The following RBPJL variants were observed in gnomAD, a reference collection of about 807,000 sequenced individuals.
The protein encoded by RBPJL is recombination signal binding protein for immunoglobulin kappa J region like, also known as recombining binding protein suppressor of hairless-like protein.
In RBPJL, 50 loss-of-function variants were observed where a neutral mutation model predicts 57.6. The ratio of observed to expected loss-of-function variants is 0.87; its 90% CI spans 0.69 to 1.10. The LOEUF is 1.10. Ranked by LOEUF, RBPJL falls within the 50% of genes least tolerant of loss-of-function variation. The probability of loss-of-function intolerance (pLI) is 0.00; values close to 1 mark genes in which losing one functional copy is unlikely to be tolerated. For missense variants in RBPJL, 684 were observed against 693.7 expected, an observed-to-expected ratio of 0.99 and a Z score of 0.16; for synonymous variants, 303 against 294.4, an observed-to-expected ratio of 1.03 and a Z score of -0.30.
rs761919642 is a variant in RBPJL at position 45,311,598 on chromosome 20, C to T, written c.267C>T (p.Cys89=). 2.5e-6 allele frequency: 4 copies of T among 1,613,956 alleles called. No individual in the cohort carries two copies. The African/African-American group carries it at 4.0e-5, about 16-fold the overall frequency. Residue 89 remains cysteine, a synonymous_variant, in exon 4 of 12, where the codon TGC becomes TGT. Coordinates refer to ENST00000343694, the MANE Select transcript of RBPJL (RefSeq NM_014276.4). ...TCACTTATCTCCGCAGGTTCTTCTG[C>T]CCCCCGCCCTGTGTCTACCTCTCGG... is the stretch of plus-strand genomic sequence containing the variant. ...KSYGNEKRFF[C]PPPCVYLSGP...
intron 8 of RBPJL, 106 bp downstream of exon 8, chr20:45,314,250 C>T: frequency 8.1e-7 from 1 of 1,232,744 alleles, no homozygotes; most frequent in Non-Finnish European, 1.2e-6. Context: ...ATGGAGACAC[C>T]TGTTCTCACC....
At chr20:45,307,060 G>C in intron 1 of RBPJL, 116 bp downstream of exon 1, 1 of 554,864 alleles carries the variant, frequency 1.8e-6, no homozygotes, top group Non-Finnish European at 2.6e-6. Flanking sequence ...GAGGCAGCCC[G>C]CCGAACTGCA....
chr20:45,312,312 G>C lies in RBPJL; in HGVS notation c.536G>C (p.Arg179Pro), dbSNP rs149866429. 3.6e-4 allele frequency: 580 copies of C among 1,614,114 alleles called. No individual in the cohort carries two copies. The highest frequency in any genetic ancestry group is 4.8e-4 in the Admixed American group (29 of 60,030). ...LVLRLVLRGG[R>P]ELGTFHSRLI... The stretch of plus-strand genomic sequence containing the variant: ...CTGCGGCTGGTGCTGCGCGGGGGCC[G>C]GGAGCTGGGTACCTTCCACAGCCGC... The change falls in exon 6 of 12, where the codon CGG becomes CCG. Residue 179 changes from arginine (R) to proline (P), a missense_variant. Physicochemically the swap from Arg to Pro is moderately radical, Grantham distance 103 (BLOSUM62 -2). Transcript: ENST00000343694.
At chr20:45,314,944 A>G (rs1420986094) in intron 9 of RBPJL, among the ~76,000 whole-genome samples, 1 of 152,114 alleles carries the variant, frequency 6.6e-6, no homozygotes, top group Non-Finnish European at 1.5e-5. Flanking sequence ...TTAGCTGGGC[A>G]TGGCAGTGGG....
intron 1 of RBPJL, 120 bp from the exon 2 acceptor site, chr20:45,308,023 C>T (rs1307377452): frequency 1.2e-5 from 8 of 647,608 alleles, no homozygotes; most frequent in East Asian, 2.7e-5. Context: ...GGTGGGGGCT[C>T]GATTTGGAAA....
rs780511888 is a variant in RBPJL at position 45,316,379 on chromosome 20, C to T, written c.1176+37C>T. The T allele has an allele frequency of 1.1e-5, 17 of 1,610,256 alleles. No homozygotes were observed. The African/African-American group carries it at 2.3e-4, about 22-fold the overall frequency. The stretch of plus-strand genomic sequence containing the variant: ...CGCTAGGGGCGTTGGGCAGGGGGAC[C>T]CTGCCTGCACTGGGCAGTGGTGGTG... On this transcript the variant is annotated intron_variant, in intron 10 of 11. Coordinates refer to ENST00000343694, the MANE Select transcript of RBPJL (RefSeq NM_014276.4).
chr20:45,314,068 C>G lies in RBPJL; in HGVS notation c.791C>G (p.Pro264Arg), dbSNP rs201474261. Residue 264 changes from proline (P) to arginine (R), a missense_variant, in exon 8 of 12, where the codon CCG (proline) becomes CGG (arginine). Coordinates refer to ENST00000343694, the MANE Select transcript of RBPJL (RefSeq NM_014276.4). Reference protein sequence around the residue: ...DGHSAQGDFPPREGYVRYGSL... With the variant: ...DGHSAQGDFPRREGYVRYGSL... ...CACTCTGCCCAAGGAGACTTCCCACCGCGAGAGGGCTACGTTCGCTATGGC... is the reference window on the plus strand; with the variant it reads ...CACTCTGCCCAAGGAGACTTCCCACGGCGAGAGGGCTACGTTCGCTATGGC... 1.2e-5 allele frequency: 20 copies of G among 1,614,080 alleles called. No homozygotes were observed. In the East Asian group the frequency reaches 4.2e-4, roughly 34 times the overall value.
At chr20:45,313,996 C>T (rs2145693976) in intron 7 of RBPJL, 39 bp from the exon 8 acceptor site, 2 of 1,431,508 alleles carry the variant, frequency 1.4e-6, no homozygotes, top group South Asian at 1.2e-5. Flanking sequence ...AGCTTGGGGG[C>T]CGCTGAAAAC....
chr20:45,316,372 G>A lies in RBPJL; in HGVS notation c.1176+30G>A, dbSNP rs758940823. ...AGCCGGGCGCTAGGGGCGTTGGGCA[G>A]GGGGACCCTGCCTGCACTGGGCAGT... On this transcript the variant is annotated intron_variant, in intron 10 of 11. Coordinates refer to ENST00000343694, the MANE Select transcript of RBPJL (RefSeq NM_014276.4). 2.5e-5 allele frequency: 40 copies of A among 1,611,676 alleles called. No individual in the cohort carries two copies. In the Admixed American group the frequency reaches 5.7e-4, roughly 23 times the overall value.
rs1030309597 is a variant in RBPJL, at chr20:45,317,233, C to CCT, written c.*286_*287dup. 15 of 532,142 alleles carry CCT rather than the reference C, an allele frequency of 2.8e-5. No individual in the cohort carries two copies. The highest frequency in any genetic ancestry group is 5.3e-5 in the South Asian group (2 of 37,868). The allele number at this position is 532,142 out of a possible 1,614,324, so 33.0% of individuals were successfully genotyped here. On this transcript the variant is annotated 3_prime_UTR_variant, in exon 12 of 12. Coordinates refer to ENST00000343694, the MANE Select transcript of RBPJL (RefSeq NM_014276.4). Reference sequence around the variant, plus strand: ...CATTTCTTCTCACTCTGTCTCTAAACCTCTCTCTCTCTCCCTTCCCCCTCA... The same window carrying CCT: ...CATTTCTTCTCACTCTGTCTCTAAACCTCTCTCTCTCTCTCCCTTCCCCCTCA...
chr20:45,312,324 C>A lies in RBPJL; in HGVS notation c.548C>A (p.Thr183Asn). Residue 183 changes from threonine (T) to asparagine (N), a missense_variant, in exon 6 of 12, where the codon ACC becomes AAC. Transcript: ENST00000343694. ...LVLRGGRELG[T>N]FHSRLIKVIS... ...CTGCGCGGGGGCCGGGAGCTGGGTA[C>A]CTTCCACAGCCGCCTTATCAAGGTC... is the stretch of plus-strand genomic sequence containing the variant. 2 of 1,614,148 alleles carry A rather than the reference C, an allele frequency of 1.2e-6. No individual in the cohort carries two copies. The highest frequency in any genetic ancestry group is 2.2e-5 in the South Asian group (2 of 91,078).
chr20:45,315,173 A>G (rs560195948), intron 9 of RBPJL, among the ~76,000 whole-genome samples: 8 of 152,350 alleles, frequency 5.3e-5, no homozygotes, highest in African/African-American at 1.9e-4. Context: ...ATTAATGAGC[A>G]AAGACTATTC....
At chr20:45,313,907 C>A in intron 7 of RBPJL, 128 bp from the exon 8 acceptor site, 1 of 755,026 alleles carries the variant, frequency 1.3e-6, no homozygotes. Context: ...GTTGGCTCCC[C>A]TGAGTACCAA....
At position 45,313,437 on chromosome 20, in the gene RBPJL, C is replaced by T. The variant is rs1344574493; in HGVS notation, c.620-31C>T. On this transcript the variant is annotated intron_variant, in intron 6 of 11. Coordinates refer to ENST00000343694, the MANE Select transcript of RBPJL (RefSeq NM_014276.4). ...CCTCACCCTAACCCTGACCCTCACC[C>T]TCACCCTAACCCTGACCCTCACCCT... 4.4e-6 allele frequency: 7 copies of T among 1,581,614 alleles called. No homozygotes were observed. In the East Asian group the frequency reaches 6.8e-5, roughly 15 times the overall value.
At chr20:45,315,845 AAG>A (rs747844298) in intron 9 of RBPJL, 10 of 232,722 alleles carry the variant, frequency 4.3e-5, no homozygotes, top group Non-Finnish European at 6.6e-5. Flanking sequence ...AGAAAAGAAA[AAG>A]AGAAAGGGAA....
In RBPJL at chr20:45,316,308, C is replaced by G. The variant is rs1459039792; in HGVS notation, c.1142C>G (p.Pro381Arg). The G allele has an allele frequency of 6.2e-7, 1 of 1,614,162 alleles. No homozygotes were observed. Among genetic ancestry groups the G allele is most frequent in the Non-Finnish European group, 8.5e-7 (1 of 1,179,996 alleles). The change falls in exon 10 of 12, where the codon CCG becomes CGG. Residue 381 changes from proline (P) to arginine (R), a missense_variant. Physicochemically the swap from Pro to Arg is moderately radical, Grantham distance 103 (BLOSUM62 -2). Transcript: ENST00000343694. ...FSTSLACTLE[P>R]VTPVPLISTL... ...ACCAGCCTGGCGTGTACCCTGGAGCCGGTCACTCCGGTGCCTCTCATCAGC... is the reference window on the plus strand; with the variant it reads ...ACCAGCCTGGCGTGTACCCTGGAGCGGGTCACTCCGGTGCCTCTCATCAGC...
chr20:45,311,667 C>A lies in RBPJL; in HGVS notation c.328+8C>A. The A allele has an allele frequency of 6.2e-7, 1 of 1,613,844 alleles. No homozygotes were observed. Among genetic ancestry groups the A allele is most frequent in the East Asian group, 2.2e-5 (1 of 44,870 alleles). On this transcript the variant is annotated splice_region_variant and intron_variant, in intron 4 of 11. Coordinates refer to ENST00000343694, the MANE Select transcript of RBPJL (RefSeq NM_014276.4). The stretch of plus-strand genomic sequence containing the variant: ...AGCCAGGGCAGGATCAAGGTGAGGG[C>A]GGAATCAAGGGCTGCCGGCCGCCTG...
intron 8 of RBPJL, 101 bp from the exon 9 acceptor site, chr20:45,314,312 T>A: frequency 7.2e-7 from 1 of 1,391,510 alleles, no homozygotes; most frequent in Non-Finnish European, 1.0e-6. Context: ...AATCTGCTAG[T>A]GCCTGTGTGG....
Position 45,308,127 on chromosome 20 carries a change from GCCTACTCCCCTGCAGAC to G in RBPJL, c.23-13_26del, listed in dbSNP as rs747805153. ...ATACACTCGCCTGACCTGGCTTGAT[GCCTACTCCCCTGCAGAC>G]CCCTCAGTGCCTCCCAATCCTTTGA... is the stretch of plus-strand genomic sequence containing the variant. On this transcript the variant is annotated splice_acceptor_variant and splice_polypyrimidine_tract_variant and coding_sequence_variant and intron_variant, in exon 2 of 12. Coordinates refer to ENST00000343694, the MANE Select transcript of RBPJL (RefSeq NM_014276.4). LOFTEE classifies it high-confidence loss of function. 6.3e-6 allele frequency: 10 copies of G among 1,589,184 alleles called. No homozygotes were observed. Among genetic ancestry groups the G allele is most frequent in the Middle Eastern group, 1.7e-4 (1 of 6,002 alleles).
Sources: gnomAD v4.1 joint callset for allele counts (sites outside exome capture counted in the v4.1 genomes callset) on GRCh38, gnomAD v4.1.1 for gene constraint, MANE v1.5 for transcripts, NCBI Gene and HGNC (gene_info 2026-07-23, HGNC 2026-07-21) for gene names.